ALK: variants seen among roughly 807,000 people sequenced by gnomAD.
ALK encodes the protein ALK receptor tyrosine kinase, also known as ALK tyrosine kinase receptor.
In ALK, 74 loss-of-function variants were observed where a neutral mutation model predicts 163.1. That is an observed-to-expected ratio of 0.45 (90% CI 0.38 to 0.55). The LOEUF (loss-of-function observed/expected upper bound fraction) is 0.55, where lower values mean the gene tolerates loss of function less well. ALK is among the 20% of genes least tolerant of loss of function. ALK has a pLI of 0.00. For synonymous variants in ALK, 960 were observed against 843.2 expected, an observed-to-expected ratio of 1.14 and a Z score of -2.40; for missense variants, 2,063 against 2,105.3, an observed-to-expected ratio of 0.98 and a Z score of 0.39.
At chr2:29,199,337 T>C (rs1317190955) in intron 26 of ALK, among the ~76,000 whole-genome samples, 1 of 152,222 alleles carries the variant, frequency 6.6e-6, no homozygotes, top group Non-Finnish European at 1.5e-5. Context: ...TTTAATGTCA[T>C]GATTTCCTTT....
chr2:29,444,482 G>A (rs1670622640), intron 4 of ALK, among the ~76,000 whole-genome samples: 1 of 152,152 alleles, frequency 6.6e-6, no homozygotes, highest in Non-Finnish European at 1.5e-5. Flanking sequence ...GGAGGAGTGG[G>A]TGCCCAGGAG....
intron 1 of ALK, among the ~76,000 whole-genome samples, chr2:29,813,530 C>A (rs1451020199): frequency 6.6e-6 from 1 of 151,992 alleles, no homozygotes; most frequent in East Asian, 1.9e-4. Flanking sequence ...CTGTCTCCCC[C>A]AAGACAGCCT....
intron 3 of ALK, among the ~76,000 whole-genome samples, chr2:29,622,387 A>G (rs1469325182): frequency 6.6e-6 from 1 of 152,174 alleles, no homozygotes. Flanking sequence ...GGCAGCGGCA[A>G]GAGAAAATAA....
At chr2:29,642,576 A>C (rs1232571005) in intron 3 of ALK, among the ~76,000 whole-genome samples, 2 of 152,128 alleles carry the variant, frequency 1.3e-5, no homozygotes, top group African/African-American at 4.8e-5. Flanking sequence ...GGTCGGCATA[A>C]ATTTCTTCTC....
intron 11 of ALK, among the ~76,000 whole-genome samples, chr2:29,265,210 G>T (rs529589765): frequency 8.5e-5 from 13 of 152,098 alleles, no homozygotes; most frequent in Non-Finnish European, 1.9e-4. Flanking sequence ...TAGAGACAGG[G>T]TTTCACCATG....
chr2:29,443,992 C>T (rs182401107), intron 4 of ALK, among the ~76,000 whole-genome samples: 1 of 152,284 alleles, frequency 6.6e-6, no homozygotes, highest in African/African-American at 2.4e-5. Context: ...TCTTGTTACG[C>T]CCAATTTGCA....
At chr2:29,557,194 T>G (rs567595247) in intron 3 of ALK, among the ~76,000 whole-genome samples, 1 of 152,256 alleles carries the variant, frequency 6.6e-6, no homozygotes, top group South Asian at 2.1e-4. Context: ...AATAAAAGAA[T>G]AAGGGAACTA....
intron 4 of ALK, among the ~76,000 whole-genome samples, chr2:29,396,139 C>G (rs1021114272): frequency 6.6e-5 from 10 of 152,160 alleles, no homozygotes; most frequent in Non-Finnish European, 1.3e-4. Context: ...GGATGGTGCT[C>G]TGAGCCCTCT....
intron 6 of ALK, among the ~76,000 whole-genome samples, chr2:29,321,584 C>G (rs775775081): frequency 1.3e-5 from 2 of 152,196 alleles, no homozygotes; most frequent in Non-Finnish European, 2.9e-5. Context: ...TCTTTGGTCT[C>G]TCTGTTCCCT....
chr2:29,247,157 C>T (rs752461696), intron 12 of ALK, among the ~76,000 whole-genome samples: 2 of 149,718 alleles, frequency 1.3e-5, no homozygotes, highest in Admixed American at 6.6e-5. Flanking sequence ...CCGGCCTCCG[C>T]GGCAGCGCCT....
chr2:29,796,482 A>C (rs1664314465), intron 1 of ALK, among the ~76,000 whole-genome samples: 1 of 152,246 alleles, frequency 6.6e-6, no homozygotes, highest in South Asian at 2.1e-4. Flanking sequence ...AATTGTAATA[A>C]GAATGAATTG....
Position 29,565,322 on chromosome 2 carries a change from G to A in ALK, c.953-33206C>T, listed in dbSNP as rs187539705. Among the ~76,000 whole-genome samples, 228 of 152,280 alleles carry A rather than the reference G, an allele frequency of 1.5e-3. 1 individual carries two copies. The highest frequency in any genetic ancestry group is 2.6e-3 in the Non-Finnish European group (176 of 68,026). On this transcript the variant is annotated intron_variant, in intron 3 of 28. Transcript: ENST00000389048. ...ACTGAGATTTGAACTCGGGTCTTCC[G>A]GCGTTAGCTTCCTACTGGTGAGCAC...
intron 1 of ALK, among the ~76,000 whole-genome samples, chr2:29,742,127 G>A (rs1358000345): frequency 1.3e-5 from 2 of 152,248 alleles, no homozygotes; most frequent in Admixed American, 6.5e-5. Context: ...CTCAGGCAGG[G>A]CCTGTGTGAC....
At chr2:29,744,951 G>A (rs1479282699) in intron 1 of ALK, among the ~76,000 whole-genome samples, 3 of 152,118 alleles carry the variant, frequency 2.0e-5, no homozygotes, top group Non-Finnish European at 2.9e-5. Flanking sequence ...AAGGGAATTC[G>A]ACTCTATTTT....
chr2:29,582,741 G>A (rs1301071611), intron 3 of ALK, among the ~76,000 whole-genome samples: 1 of 152,126 alleles, frequency 6.6e-6, no homozygotes, highest in African/African-American at 2.4e-5. Context: ...GACAGAGAGA[G>A]TATAAAATAC....
At chr2:29,713,730 C>T (rs1258732443) in intron 2 of ALK, among the ~76,000 whole-genome samples, 2 of 151,924 alleles carry the variant, frequency 1.3e-5, no homozygotes, top group Admixed American at 6.6e-5. Flanking sequence ...CTTTGACCCT[C>T]GATTTGTATT....
At chr2:29,491,997 T>C (rs991625454) in intron 4 of ALK, among the ~76,000 whole-genome samples, 1 of 152,206 alleles carries the variant, frequency 6.6e-6, no homozygotes, top group Non-Finnish European at 1.5e-5. Context: ...CTAATACTTA[T>C]AAATTGCACA....
At chr2:29,527,272 G>A (rs893431129) in intron 4 of ALK, among the ~76,000 whole-genome samples, 2 of 152,190 alleles carry the variant, frequency 1.3e-5, no homozygotes, top group African/African-American at 2.4e-5. Context: ...GATTGCTACT[G>A]GTTTTAAAGC....
chr2:29,709,544 A>AATT (rs1679011913), intron 2 of ALK, among the ~76,000 whole-genome samples: 1 of 152,244 alleles, frequency 6.6e-6, no homozygotes, highest in African/African-American at 2.4e-5. Flanking sequence ...TAAATGCTTA[A>AATT]CGTCTAGGAA....
Sources: allele counts gnomAD v4.1 joint callset (sites outside exome capture counted in the v4.1 genomes callset), GRCh38; gene constraint gnomAD v4.1.1; transcripts MANE v1.5; gene names NCBI Gene and HGNC (gene_info 2026-07-23, HGNC 2026-07-21).